Variants in BPNT1 observed in about 807,000 individuals in gnomAD.
The protein encoded by BPNT1 is 3'(2'),5'-bisphosphate nucleotidase 1.
Under a neutral mutation model 36.9 loss-of-function variants are expected in BPNT1, and 28 were observed. The observed-to-expected ratio is 0.76, with a 90% CI of 0.56 to 1.04. The LOEUF is 1.04. Among genes scored for constraint, BPNT1 ranks in the 50% least tolerant of loss-of-function variants. The probability of loss-of-function intolerance (pLI) is 0.00; values close to 1 mark genes in which losing one functional copy is unlikely to be tolerated. For synonymous variants in BPNT1, 119 were observed against 130.9 expected, an observed-to-expected ratio of 0.91 and a Z score of 0.62; for missense variants, 313 against 372.9, an observed-to-expected ratio of 0.84 and a Z score of 1.32.
intron 7 of BPNT1, among the ~76,000 whole-genome samples, chr1:220,062,220 GCCATGCTGGTGTGCTGCAC>G (rs1663104292): frequency 6.6e-6 from 1 of 150,610 alleles, no homozygotes; most frequent in Admixed American, 6.6e-5. Flanking sequence ...GTATACATGT[GCCATGCTGGTGTGCTGCAC>G]CCATTAACTC....
chr1:220,088,478 C>CAAA lies in BPNT1; in HGVS notation c.-9+1205_-9+1207dup, dbSNP rs58383315. On this transcript the variant is annotated intron_variant, in intron 1 of 8. Coordinates refer to ENST00000322067, the MANE Select transcript of BPNT1 (RefSeq NM_006085.6). ...AGCCTGGGCGACAGAGACTCCGACT[C>CAAA]AAAAAAAAAAAAAAAAAAAAAAATT... 2.2e-3 allele frequency among the ~76,000 whole-genome samples: 147 copies of CAAA among 65,450 alleles called. 1 individual carries two copies. The highest frequency in any genetic ancestry group is 3.0e-3 in the Non-Finnish European group (101 of 34,126). The allele number at this position is 65,450 out of a possible 152,430, so 42.9% of individuals were successfully genotyped here.
intron 2 of BPNT1, among the ~76,000 whole-genome samples, chr1:220,076,741 C>T (rs995679180): frequency 2.7e-5 from 4 of 147,346 alleles, no homozygotes; most frequent in African/African-American, 1.0e-4. Flanking sequence ...ATAGTAGTAG[C>T]CCTCTGAAAG....
At chr1:220,061,188 C>T (rs749536972) in intron 7 of BPNT1, among the ~76,000 whole-genome samples, 1 of 152,102 alleles carries the variant, frequency 6.6e-6, no homozygotes, top group Admixed American at 6.6e-5. Flanking sequence ...AGCTTTGCAG[C>T]GCCACAAAAT....
Position 220,064,779 on chromosome 1 carries a change from G to A in BPNT1, c.475-1825C>T, listed in dbSNP as rs139917705. On this transcript the variant is annotated intron_variant, in intron 6 of 8. Transcript: ENST00000322067. Reference sequence around the variant, plus strand: ...CCATCTGAGTTTACACTACAGGAGAGGCTTGGAATCTAAGGAAGCTATTTA... The same window carrying A: ...CCATCTGAGTTTACACTACAGGAGAAGCTTGGAATCTAAGGAAGCTATTTA... Among the ~76,000 whole-genome samples, 14 of 152,168 alleles carry A rather than the reference G, an allele frequency of 9.2e-5. No homozygotes were observed. The East Asian group carries it at 2.7e-3, about 29-fold the overall frequency.
chr1:220,059,749 C>G lies in BPNT1; in HGVS notation c.715G>C (p.Ala239Pro). Residue 239 changes from alanine (A) to proline (P), a missense_variant, in exon 8 of 9, where the codon GCA becomes CCA. Physicochemically the swap from Ala to Pro is conservative, Grantham distance 27. Coordinates refer to ENST00000322067, the MANE Select transcript of BPNT1 (RefSeq NM_006085.6). ...TCCCACTTCTTACAACCAGGACTTG[C>G]AAATACATAAGCAGAGGCTTTGCCT... ...IEGKASAYVF[A>P]SPGCKKWDTC... 2 of 1,611,002 alleles carry G rather than the reference C, an allele frequency of 1.2e-6. No homozygotes were observed.
At chr1:220,062,267 A>G (rs1323947467) in intron 7 of BPNT1, among the ~76,000 whole-genome samples, 1 of 148,092 alleles carries the variant, frequency 6.8e-6, no homozygotes, top group Non-Finnish European at 1.5e-5. Context: ...AGCATTAGGT[A>G]TATCTCCCAA....
Position 220,068,008 on chromosome 1 carries a change from A to G in BPNT1, c.383-615T>C, listed in dbSNP as rs142402186. Among the ~76,000 whole-genome samples the G allele has an allele frequency of 2.9e-3, 449 of 152,272 alleles. 3 individuals carry two copies. The highest frequency in any genetic ancestry group is 9.9e-3 in the African/African-American group (413 of 41,550). On this transcript the variant is annotated intron_variant, in intron 5 of 8. Transcript: ENST00000322067. ...AGATGTTTTCAGCACACACACATAC[A>G]TACACATGTATACACACACTGTGAT...
chr1:220,082,743 CG>C (rs1466621871), intron 1 of BPNT1, among the ~76,000 whole-genome samples: 1 of 151,584 alleles, frequency 6.6e-6, no homozygotes, highest in Non-Finnish European at 1.5e-5. Flanking sequence ...ACTGACACCA[CG>C]CCCAGCTAAT....
At chr1:220,066,146 T>A (rs1663514269) in intron 6 of BPNT1, 1 of 1,462,002 alleles carries the variant, frequency 6.8e-7, no homozygotes, top group African/African-American at 1.4e-5. Flanking sequence ...ATTTTTCTAA[T>A]CTCAGAAAGA....
chr1:220,064,343 A>G (rs1339756060), intron 6 of BPNT1, among the ~76,000 whole-genome samples: 1 of 152,194 alleles, frequency 6.6e-6, no homozygotes, highest in Non-Finnish European at 1.5e-5. Context: ...CTTAGGTCGC[A>G]GGTTGGGTTC....
intron 1 of BPNT1, among the ~76,000 whole-genome samples, chr1:220,082,085 T>TATATATATATATATATAGAG (rs1171093697): frequency 1.9e-5 from 2 of 103,296 alleles, no homozygotes; most frequent in African/African-American, 7.6e-5. Context: ...TATATATATA[T>TATATATATATATATATAGAG]AGAGAGAGAG....
At chr1:220,059,974 C>T (rs1441831788) in intron 7 of BPNT1, among the ~76,000 whole-genome samples, 183 bp from the exon 8 acceptor site, 2 of 151,988 alleles carry the variant, frequency 1.3e-5, no homozygotes, top group Non-Finnish European at 2.9e-5. Context: ...TGAAGAAATA[C>T]ATAGAATAAA....
intron 6 of BPNT1, among the ~76,000 whole-genome samples, chr1:220,063,869 C>T (rs529880795): frequency 5.9e-5 from 9 of 152,148 alleles, no homozygotes; most frequent in African/African-American, 2.2e-4. Flanking sequence ...TCAATTTCAA[C>T]TACATTGTTA....
chr1:220,074,167 G>T, intron 2 of BPNT1, 96 bp from the exon 3 acceptor site: 1 of 1,114,208 alleles, frequency 9.0e-7, no homozygotes, highest in Non-Finnish European at 1.3e-6. Flanking sequence ...AGATTACACT[G>T]TCAGTTTTTA....
chr1:220,059,243 C>CTTTTTTTTTTTTTTTTTTTTTTT (rs11292010), intron 8 of BPNT1, among the ~76,000 whole-genome samples: 2 of 57,868 alleles, frequency 3.5e-5, no homozygotes, highest in Non-Finnish European at 6.0e-5. Flanking sequence ...ATTTTCTTTT[C>CTTTTTTTTTTTTTTTTTTTTTTT]TTTTTTTTTT....
chr1:220,078,162 CAAT>C (rs1430715976), intron 2 of BPNT1, among the ~76,000 whole-genome samples: 1 of 109,526 alleles, frequency 9.1e-6, no homozygotes, highest in African/African-American at 3.6e-5. Context: ...CATTGGGCAA[CAAT>C]GTGAGTGAGA....
At chr1:220,059,941 A>C in intron 7 of BPNT1, 150 bp from the exon 8 acceptor site, 1 of 571,050 alleles carries the variant, frequency 1.8e-6, no homozygotes. Flanking sequence ...AGCTTTTAGC[A>C]GGTTTAAATT....
intron 2 of BPNT1, among the ~76,000 whole-genome samples, chr1:220,077,774 C>G (rs746774659): frequency 2.6e-4 from 39 of 152,120 alleles, no homozygotes; most frequent in Non-Finnish European, 4.9e-4. Flanking sequence ...TTAACTCACT[C>G]TATTTTAAAT....
chr1:220,070,261 G>A (rs572766087), intron 4 of BPNT1, among the ~76,000 whole-genome samples: 1 of 152,280 alleles, frequency 6.6e-6, no homozygotes, highest in South Asian at 2.1e-4. Context: ...AGGATATGCT[G>A]CCTTTAACCA....
Sources: allele counts gnomAD v4.1 joint callset (sites outside exome capture counted in the v4.1 genomes callset), GRCh38; gene constraint gnomAD v4.1.1; transcripts MANE v1.5; gene names NCBI Gene and HGNC (gene_info 2026-07-23, HGNC 2026-07-21).